The following COL24A1 variants were observed in gnomAD, a reference collection of about 807,000 sequenced individuals.
COL24A1 encodes the protein collagen type XXIV alpha 1 chain, also known as collagen alpha-1(XXIV) chain.
A neutral mutation model predicts 253.9 loss-of-function variants in COL24A1; 224 were observed. The observed-to-expected ratio is 0.88, with a 90% CI of 0.79 to 0.99. The LOEUF is 0.99. Among genes scored for constraint, COL24A1 ranks in the 50% least tolerant of loss-of-function variants. COL24A1 has a pLI of 0.00. For missense variants in COL24A1, 2,131 were observed against 2,068.5 expected, an observed-to-expected ratio of 1.03 and a Z score of -0.59; for synonymous variants, 685 against 673.7, an observed-to-expected ratio of 1.02 and a Z score of -0.26.
intron 35 of COL24A1, among the ~76,000 whole-genome samples, chr1:85,869,997 AG>A (rs1680258343): frequency 6.6e-6 from 1 of 152,202 alleles, no homozygotes; most frequent in Non-Finnish European, 1.5e-5. Context: ...AAAGGGATGG[AG>A]GAAGATCTAC....
chr1:85,744,808 T>A lies in COL24A1; in HGVS notation c.4530A>T (p.Leu1510Phe). 6.2e-7 allele frequency: 1 copy of A among 1,610,336 alleles called. No homozygotes were observed. Among genetic ancestry groups the A allele is most frequent in the Non-Finnish European group, 8.5e-7 (1 of 1,178,574 alleles). ...MESYQNTEVT[L>F]IDHSEEIFKT... ...TGAATATCTCTTCACTGTGGTCAAT[T>A]AAAGTCACTTCAGTATTCTGGTAGC... The change falls in exon 57 of 60, where the codon TTA becomes TTT. Residue 1510 changes from leucine to phenylalanine, a missense_variant. Coordinates refer to ENST00000370571, the MANE Select transcript of COL24A1 (RefSeq NM_152890.7).
chr1:85,847,924 A>C (rs545842865), intron 38 of COL24A1, 152 bp from the exon 39 acceptor site: 1 of 426,254 alleles, frequency 2.3e-6, no homozygotes, highest in Non-Finnish European at 4.1e-6. Context: ...TCACTATATA[A>C]GTTATTTTAA....
chr1:85,833,925 T>A (rs137904178), intron 43 of COL24A1, among the ~76,000 whole-genome samples: 77 of 125,694 alleles, frequency 6.1e-4, no homozygotes, highest in African/African-American at 2.3e-3. Flanking sequence ...ATGAGAACAC[T>A]GGGACACAGG....
At chr1:85,747,380 C>T (rs1665351975) in intron 55 of COL24A1, among the ~76,000 whole-genome samples, 2 of 152,020 alleles carry the variant, frequency 1.3e-5, no homozygotes, top group Non-Finnish European at 1.5e-5. Context: ...TCCCAAAGTG[C>T]TGGGATTACA....
chr1:85,762,667 T>A (rs1327275397), intron 53 of COL24A1, among the ~76,000 whole-genome samples: 2 of 152,192 alleles, frequency 1.3e-5, no homozygotes, highest in Non-Finnish European at 2.9e-5. Flanking sequence ...GATAGCCTTT[T>A]AAATATACAG....
chr1:85,831,827 T>C (rs1675326664), intron 43 of COL24A1, among the ~76,000 whole-genome samples: 1 of 152,066 alleles, frequency 6.6e-6, no homozygotes, highest in Non-Finnish European at 1.5e-5. Context: ...GGGCTATGAC[T>C]GGAGACAGGA....
intron 46 of COL24A1, among the ~76,000 whole-genome samples, chr1:85,817,743 G>A (rs973482919): frequency 3.9e-5 from 6 of 152,008 alleles, no homozygotes; most frequent in African/African-American, 1.2e-4. Context: ...ACGATTCTAA[G>A]TTCTCTGTTT....
chr1:86,151,667 G>C (rs1652794457), intron 1 of COL24A1, among the ~76,000 whole-genome samples: 1 of 152,198 alleles, frequency 6.6e-6, no homozygotes, highest in African/African-American at 2.4e-5. Flanking sequence ...ATCGTTCCTA[G>C]ATGATTCTTA....
chr1:85,991,363 T>C (rs1694248239), intron 19 of COL24A1, among the ~76,000 whole-genome samples: 1 of 152,136 alleles, frequency 6.6e-6, no homozygotes, highest in Non-Finnish European at 1.5e-5. Context: ...ATAAAACAAA[T>C]AAGCCTAAAT....
intron 28 of COL24A1, among the ~76,000 whole-genome samples, chr1:85,905,370 GA>G (rs1401595186): frequency 6.6e-6 from 1 of 152,078 alleles, no homozygotes; most frequent in Non-Finnish European, 1.5e-5. Context: ...ATGGATTGAA[GA>G]GAGAAGAGAG....
chr1:85,910,152 T>C (rs1317969741), intron 25 of COL24A1, 149 bp from the exon 26 acceptor site: 4 of 499,256 alleles, frequency 8.0e-6, no homozygotes, highest in Non-Finnish European at 1.4e-5. Context: ...ATTTACAAAT[T>C]TGGCGCTTTA....
At chr1:86,133,293 G>A (rs1253316611) in intron 2 of COL24A1, among the ~76,000 whole-genome samples, 1 of 152,100 alleles carries the variant, frequency 6.6e-6, no homozygotes, top group Non-Finnish European at 1.5e-5. Context: ...CATGTCATCT[G>A]CAAACAGGGA....
chr1:85,870,266 T>C (rs577735702), intron 35 of COL24A1, among the ~76,000 whole-genome samples: 65 of 152,132 alleles, frequency 4.3e-4, no homozygotes, highest in Non-Finnish European at 7.6e-4. Context: ...TAACACCCCA[T>C]TGTCAACATT....
At position 85,938,725 on chromosome 1, in the gene COL24A1, G is replaced by C. The variant is rs1225956504; in HGVS notation, c.2562+22524C>G. Among the ~76,000 whole-genome samples, 2 of 146,370 alleles carry C rather than the reference G, an allele frequency of 1.4e-5. 1 individual carries two copies. Among genetic ancestry groups the C allele is most frequent in the Non-Finnish European group, 3.0e-5 (2 of 66,414 alleles). ...AGAACTTGTGTGGCCCAAGCTGTCA[G>C]TAGCTTCATGGTTTGCCTTAGTTCC... On this transcript the variant is annotated intron_variant, in intron 24 of 59. Transcript: ENST00000370571.
intron 22 of COL24A1, among the ~76,000 whole-genome samples, chr1:85,967,401 A>C (rs1217110889): frequency 6.6e-6 from 1 of 152,188 alleles, no homozygotes; most frequent in African/African-American, 2.4e-5. Flanking sequence ...GGAATTTGGG[A>C]TCATAAAGGA....
intron 39 of COL24A1, among the ~76,000 whole-genome samples, chr1:85,845,674 G>A (rs1467360617): frequency 2.6e-5 from 4 of 151,606 alleles, no homozygotes; most frequent in Non-Finnish European, 4.4e-5. Context: ...AAATATAATA[G>A]CACCAACAGC....
At position 86,136,992 on chromosome 1, in the gene COL24A1, C is replaced by A. The variant is rs944058022; in HGVS notation, c.121+9127G>T. ...GACTGGAGCTGAGGAGAACTGCAGA[C>A]AAAAAAAATGGGGGTGGGCAAGAGA... On this transcript the variant is annotated intron_variant, in intron 2 of 59. Coordinates refer to ENST00000370571, the MANE Select transcript of COL24A1 (RefSeq NM_152890.7). 1.5e-3 allele frequency among the ~76,000 whole-genome samples: 231 copies of A among 151,634 alleles called. 3 individuals are homozygous for A. The highest frequency in any genetic ancestry group is 5.4e-3 in the African/African-American group (223 of 41,404).
chr1:85,847,652 G>A lies in COL24A1; in HGVS notation c.3462+13C>T. 1 of 1,601,558 alleles carries A rather than the reference G, an allele frequency of 6.2e-7. No homozygotes were observed. On this transcript the variant is annotated intron_variant, in intron 39 of 59. Transcript: ENST00000370571. ...CACAGTGACTCAATTCTGGAAGCAA[G>A]TCAAATACTGACCACAGCACCTCTA...
chr1:85,880,040 T>G (rs1324738506), intron 32 of COL24A1, among the ~76,000 whole-genome samples: 1 of 152,224 alleles, frequency 6.6e-6, no homozygotes, highest in African/African-American at 2.4e-5. Flanking sequence ...CTTCAGAATC[T>G]GTTAATATCT....
Sources: gnomAD v4.1 joint callset for allele counts (sites outside exome capture counted in the v4.1 genomes callset) on GRCh38, gnomAD v4.1.1 for gene constraint, MANE v1.5 for transcripts, NCBI Gene and HGNC (gene_info 2026-07-23, HGNC 2026-07-21) for gene names.